Variants in NIN observed in about 807,000 individuals in gnomAD.
NIN encodes the protein ninein.
Under a neutral mutation model 257.6 loss-of-function variants are expected in NIN, and 137 were observed. That is an observed-to-expected ratio of 0.53 (90% confidence interval 0.46 to 0.61). The LOEUF is 0.61. NIN is among the 20% of genes least tolerant of loss of function. NIN has a pLI of 0.00. For missense variants in NIN, 2,439 were observed against 2,501.2 expected, an observed-to-expected ratio of 0.98 and a Z score of 0.53; for synonymous variants, 918 against 919.8, an observed-to-expected ratio of 1.00 and a Z score of 0.04.
chr14:50,772,550 G>C (rs2042777912), intron 8 of NIN, 82 bp from the exon 9 acceptor site: 1 of 1,219,262 alleles, frequency 8.2e-7, no homozygotes, highest in African/African-American at 1.5e-5. Flanking sequence ...GACCACGATG[G>C]GTAGAAGGCA....
Position 50,741,701 on chromosome 14 carries a change from T to G in NIN, c.5329A>C (p.Asn1777His). The G allele has an allele frequency of 6.2e-7, 1 of 1,613,984 alleles. No individual in the cohort carries two copies. Among genetic ancestry groups the G allele is most frequent in the South Asian group, 1.1e-5 (1 of 91,052 alleles). The change falls in exon 25 of 31, where the codon AAT (asparagine) becomes CAT (histidine). Residue 1777 changes from asparagine to histidine, a missense_variant. Asn to His is a moderately conservative substitution (Grantham distance 68). Transcript: ENST00000530997. Reference sequence around the variant, plus strand: ...ATCCGGGACATTTGCAGGTTTACATTCTGCACGGTGTCTTCTAAATTCTGA... The same window carrying G: ...ATCCGGGACATTTGCAGGTTTACATGCTGCACGGTGTCTTCTAAATTCTGA... The part of the protein sequence containing the change: ...KVQNLEDTVQ[N>H]VNLQMSRMKS...
chr14:50,736,854 T>A (rs1382235666), intron 27 of NIN, among the ~76,000 whole-genome samples: 1 of 152,200 alleles, frequency 6.6e-6, no homozygotes, highest in African/African-American at 2.4e-5. Flanking sequence ...AAACAGACCA[T>A]ATTTTTTATA....
chr14:50,739,571 GACA>G, intron 25 of NIN, 84 bp from the exon 26 acceptor site: 1 of 1,258,684 alleles, frequency 7.9e-7, no homozygotes, highest in Non-Finnish European at 1.1e-6. Context: ...TTTACCCAAT[GACA>G]ACGACTCCTA....
chr14:50,818,775 C>CTATATTCAAGCTA (rs2045056695), intron 3 of NIN, among the ~76,000 whole-genome samples: 1 of 151,934 alleles, frequency 6.6e-6, no homozygotes, highest in Non-Finnish European at 1.5e-5. Flanking sequence ...TGGTTTCAAG[C>CTATATTCAAGCTA]TATAAAGCAA....
chr14:50,829,801 TTTAAC>T (rs1238279623), intron 2 of NIN, among the ~76,000 whole-genome samples: 2 of 152,190 alleles, frequency 1.3e-5, no homozygotes, highest in Admixed American at 1.3e-4. Flanking sequence ...CTCTATCTCT[TTTAAC>T]TTCGCAGCGA....
intron 10 of NIN, 48 bp from the exon 11 acceptor site, chr14:50,771,040 C>A (rs372835753): frequency 6.3e-7 from 1 of 1,583,426 alleles, no homozygotes; most frequent in African/African-American, 1.4e-5. Flanking sequence ...TTCTAAGCAA[C>A]AAGTAGACCC....
At position 50,729,797 on chromosome 14, in the gene NIN, G is replaced by A. The variant is rs557260523; in HGVS notation, c.5878-74C>T. Reference sequence around the variant, plus strand: ...GAGCTGCCCTTTATGGTGTCAGGCAGTGAGTAATGAAGACTATTAATTCAT... The same window carrying A: ...GAGCTGCCCTTTATGGTGTCAGGCAATGAGTAATGAAGACTATTAATTCAT... On this transcript the variant is annotated intron_variant, in intron 28 of 30. Coordinates refer to ENST00000530997, the MANE Select transcript of NIN (RefSeq NM_020921.4). 98 of 1,183,626 alleles carry A rather than the reference G, an allele frequency of 8.3e-5. 1 individual carries two copies. The Middle Eastern group carries it at 1.2e-3, about 14-fold the overall frequency. The allele number at this position is 1,183,626 out of a possible 1,614,324, so 73.3% of individuals were successfully genotyped here. A position where few individuals can be genotyped will look rare whatever the true frequency, so the allele number is the denominator to read the frequency against.
At chr14:50,760,501 AC>A in intron 16 of NIN, 142 bp from the exon 17 acceptor site, 1 of 864,314 alleles carries the variant, frequency 1.2e-6, no homozygotes, top group South Asian at 1.8e-5. Flanking sequence ...TTTTAAAGTA[AC>A]TGAATTCAAC....
chr14:50,764,699 A>T (rs1265387371), intron 14 of NIN, among the ~76,000 whole-genome samples: 1 of 152,114 alleles, frequency 6.6e-6, no homozygotes, highest in Non-Finnish European at 1.5e-5. Context: ...ATGTTAAATG[A>T]AGGAAGCCGG....
At chr14:50,730,861 G>C in intron 28 of NIN, 1 of 1,246,760 alleles carries the variant, frequency 8.0e-7, no homozygotes, top group South Asian at 1.3e-5. Context: ...GAAATAACAT[G>C]AGCAAGGGGT....
chr14:50,753,175 G>T (rs992964556), intron 20 of NIN, among the ~76,000 whole-genome samples: 1 of 152,140 alleles, frequency 6.6e-6, no homozygotes, highest in African/African-American at 2.4e-5. Context: ...CGAGACAGGC[G>T]GATCACCTGA....
intron 30 of NIN, among the ~76,000 whole-genome samples, chr14:50,724,984 A>G (rs982764334): frequency 2.6e-5 from 4 of 152,208 alleles, no homozygotes; most frequent in African/African-American, 7.2e-5. Context: ...AGTGCATTCT[A>G]TATGGGCAGG....
chr14:50,737,643 GTTGTT>G (rs1418342568), intron 27 of NIN, among the ~76,000 whole-genome samples: 36 of 120,150 alleles, frequency 3.0e-4, no homozygotes, highest in African/African-American at 1.2e-3. Context: ...GTTTTTTGTT[GTTGTT>G]TTTTTTTTTT....
At chr14:50,811,998 T>C (rs974928420) in intron 3 of NIN, among the ~76,000 whole-genome samples, 6 of 150,688 alleles carry the variant, frequency 4.0e-5, no homozygotes, top group African/African-American at 1.5e-4. Context: ...GCAGTGCCTG[T>C]AGTCCCAGCT....
At position 50,830,485 on chromosome 14, in the gene NIN, C is replaced by A. The variant is rs1300600262; in HGVS notation, c.-43G>T. On this transcript the variant is annotated 5_prime_UTR_variant, in exon 2 of 31. Transcript: ENST00000530997. ...CTACCTTCTGTCGGTCTCTCCGGAG[C>A]GCCCGCACAGCCGGCAGCCCGCCTC... 2 of 167,396 alleles carry A rather than the reference C, an allele frequency of 1.2e-5. No individual in the cohort carries two copies. The highest frequency in any genetic ancestry group is 2.9e-5 in the Non-Finnish European group (2 of 68,404). 10.4% of individuals were successfully genotyped at this position (167,396 alleles called of 1,614,324 possible).
chr14:50,777,142 G>A lies in NIN; in HGVS notation c.476-3C>T. 1.2e-6 allele frequency: 2 copies of A among 1,601,562 alleles called. No individual in the cohort carries two copies. Among genetic ancestry groups the A allele is most frequent in the Non-Finnish European group, 8.5e-7 (1 of 1,174,122 alleles). Reference sequence around the variant, plus strand: ...TGGGTTCCAAAACCTTAACTGGCCTGAGAGAGAAGCATATGTTGCACGGTT... The same window carrying A: ...TGGGTTCCAAAACCTTAACTGGCCTAAGAGAGAAGCATATGTTGCACGGTT... On this transcript the variant is annotated splice_region_variant and splice_polypyrimidine_tract_variant and intron_variant, in intron 6 of 30. Coordinates refer to ENST00000530997, the MANE Select transcript of NIN (RefSeq NM_020921.4).
chr14:50,735,524 G>T lies in NIN; in HGVS notation c.5869C>A (p.Leu1957Ile). Residue 1957 changes from leucine to isoleucine, a missense_variant, in exon 28 of 31, where the codon CTC becomes ATC. Transcript: ENST00000530997. ...KKKQVKLDEQ[L>I]MEMQHLRSTA... ...TCTGCTGAGAAACTTACCTCCATGA[G>T]CTGCTCATCCAGTTTTACTTGTTTC... 6.2e-7 allele frequency: 1 copy of T among 1,613,028 alleles called. No homozygotes were observed.
rs776493471 is a variant in NIN, at chr14:50,744,315, A to T, written c.5115T>A (p.Val1705=). 6.2e-6 allele frequency: 10 copies of T among 1,613,992 alleles called. No individual in the cohort carries two copies. Among genetic ancestry groups the T allele is most frequent in the Non-Finnish European group, 6.8e-6 (8 of 1,179,976 alleles). The part of the protein sequence containing the change: ...LSDFQQKISS[V]LSYNEKLLKE... ...TCAGCAGTTTTTCGTTGTAGCTTAG[A>T]ACACTAGAGATTTTTTGCTGGAAGT... Residue 1705 remains valine (V), a synonymous_variant, in exon 23 of 31, where the codon GTT becomes GTA. Coordinates refer to ENST00000530997, the MANE Select transcript of NIN (RefSeq NM_020921.4).
chr14:50,730,425 A>T (rs139024011), intron 28 of NIN, among the ~76,000 whole-genome samples: 1 of 152,282 alleles, frequency 6.6e-6, no homozygotes, highest in East Asian at 1.9e-4. Flanking sequence ...TTGGGCAGTG[A>T]GGCAGGCCAC....
Sources: allele counts gnomAD v4.1 joint callset (sites outside exome capture counted in the v4.1 genomes callset), GRCh38; gene constraint gnomAD v4.1.1; transcripts MANE v1.5; gene names NCBI Gene and HGNC (gene_info 2026-07-23, HGNC 2026-07-21).